Variants in IL10RB observed in about 807,000 individuals in gnomAD.
IL10RB encodes interleukin-10 receptor subunit beta.
Under a neutral mutation model 38.7 loss-of-function variants are expected in IL10RB, and 30 were observed. The observed-to-expected ratio is 0.78, with a 90% confidence interval of 0.58 to 1.05. IL10RB has a LOEUF of 1.05. Ranked by LOEUF, IL10RB falls within the 50% of genes least tolerant of loss-of-function variation. The pLI is 0.00. For missense variants in IL10RB, 328 were observed against 397.1 expected, an observed-to-expected ratio of 0.83 and a Z score of 1.48; for synonymous variants, 142 against 145.9, an observed-to-expected ratio of 0.97 and a Z score of 0.19.
chr21:33,300,825 C>T (rs1410269099), downstream of IL10RB, among the ~76,000 whole-genome samples: 2 of 152,172 alleles, frequency 1.3e-5, no homozygotes, highest in South Asian at 2.1e-4. Context: ...TGAACCAGAG[C>T]GACTCCATCT....
intron 6 of IL10RB, among the ~76,000 whole-genome samples, chr21:33,288,481 G>A (rs920336063): frequency 2.6e-5 from 4 of 152,078 alleles, no homozygotes; most frequent in Non-Finnish European, 2.9e-5. Context: ...AAAGGGGCGC[G>A]GGGTTGTCCA....
At chr21:33,274,007 A>G (rs1989127099) in intron 2 of IL10RB, among the ~76,000 whole-genome samples, 1 of 151,936 alleles carries the variant, frequency 6.6e-6, no homozygotes, top group Non-Finnish European at 1.5e-5. Context: ...CTTCTTCCAA[A>G]CCCCTGTTAA....
rs71320298 is a variant in IL10RB at position 33,275,152 on chromosome 21, C to CTTTTTTT, written c.174-1429_174-1423dup. Among the ~76,000 whole-genome samples the CTTTTTTT allele has an allele frequency of 1.8e-4, 18 of 102,278 alleles. 1 individual carries two copies. Among genetic ancestry groups the CTTTTTTT allele is most frequent in the Non-Finnish European group, 2.2e-4 (11 of 50,828 alleles). The allele number at this position is 102,278 out of a possible 152,430, so 67.1% of individuals were successfully genotyped here. A position where few individuals can be genotyped will look rare whatever the true frequency, so the allele number is the denominator to read the frequency against. On this transcript the variant is annotated intron_variant, in intron 2 of 6. Transcript: ENST00000290200. The stretch of plus-strand genomic sequence containing the variant: ...CAACCTCTGCTAACTTCCAACTTTT[C>CTTTTTTT]TTTTTTTTTTTTTTTTTTTTTGAGA...
At chr21:33,298,746 T>A (rs1030683331), downstream of IL10RB, among the ~76,000 whole-genome samples, 1 of 152,156 alleles carries the variant, frequency 6.6e-6, no homozygotes, top group African/African-American at 2.4e-5. Flanking sequence ...ATGGAAAATA[T>A]GAGTGGTTAG....
chr21:33,307,170 C>A (rs1271054191), intron 1 of IL10RB, among the ~76,000 whole-genome samples: 1 of 152,186 alleles, frequency 6.6e-6, no homozygotes, highest in Non-Finnish European at 1.5e-5. Context: ...GTGACTGCAT[C>A]TTGGATGCTA....
Position 33,290,206 on chromosome 21 carries a change from G to A in IL10RB, c.804+1945G>A, listed in dbSNP as rs564357388. The stretch of plus-strand genomic sequence containing the variant: ...CTCGGGAGACTGAGGCAGGAGAATC[G>A]CTTGAACTCGGGAGGTGGAAGTTGC... On this transcript the variant is annotated intron_variant, in intron 6 of 6. Transcript: ENST00000290200. Among the ~76,000 whole-genome samples the A allele has an allele frequency of 1.9e-3, 288 of 151,778 alleles. 1 individual carries two copies. The highest frequency in any genetic ancestry group is 3.0e-3 in the Non-Finnish European group (201 of 67,948).
intron 5 of IL10RB, among the ~76,000 whole-genome samples, chr21:33,287,778 T>A (rs1042565634): frequency 1.3e-5 from 2 of 152,162 alleles, no homozygotes; most frequent in Admixed American, 6.5e-5. Flanking sequence ...GAGTATCACT[T>A]GCTGTGTCAA....
intron 6 of IL10RB, among the ~76,000 whole-genome samples, chr21:33,291,150 C>T (rs1017576341): frequency 6.6e-6 from 1 of 152,142 alleles, no homozygotes; most frequent in African/African-American, 2.4e-5. Flanking sequence ...ACACCAGTCA[C>T]GGGAGGAGGG....
rs1008776896 is a variant in IL10RB, at chr21:33,266,648, C to A, written c.49+134C>A. The A allele has an allele frequency of 1.2e-5, 10 of 858,882 alleles. No homozygotes were observed. The African/African-American group carries it at 1.6e-4, about 13-fold the overall frequency. 53.2% of individuals were successfully genotyped at this position (858,882 alleles called of 1,614,324 possible). A position where few individuals can be genotyped will look rare whatever the true frequency, so the allele number is the denominator to read the frequency against. On this transcript the variant is annotated intron_variant, in intron 1 of 6. Coordinates refer to ENST00000290200, the MANE Select transcript of IL10RB (RefSeq NM_000628.5). ...GCCTCGGGAGAGAAGATGCAAACGC[C>A]ACGGCCGGCTGCTGAGACGCAACTA...
At chr21:33,299,520 A>C (rs748639179), downstream of IL10RB, among the ~76,000 whole-genome samples, 2 of 152,126 alleles carry the variant, frequency 1.3e-5, no homozygotes, top group Non-Finnish European at 2.9e-5. Context: ...GCCTTGTTGA[A>C]AATATCTCAC....
At chr21:33,300,211 G>A (rs1387885018), downstream of IL10RB, among the ~76,000 whole-genome samples, 2 of 152,142 alleles carry the variant, frequency 1.3e-5, no homozygotes, top group African/African-American at 2.4e-5. Context: ...AGGCCGAGGT[G>A]GGTGGATCAC....
chr21:33,278,046 C>CAAA (rs58709699), intron 3 of IL10RB, among the ~76,000 whole-genome samples: 2 of 118,910 alleles, frequency 1.7e-5, no homozygotes, highest in Non-Finnish European at 1.8e-5. Context: ...AAAAAAATAC[C>CAAA]AAAAAAAAAA....
In IL10RB at chr21:33,276,650, C is replaced by A; in HGVS notation, c.228C>A (p.Phe76Leu). Residue 76 changes from phenylalanine to leucine, a missense_variant, in exon 3 of 7, where the codon TTC becomes TTA. Phe to Leu is a conservative substitution (Grantham distance 22, BLOSUM62 0). Coordinates refer to ENST00000290200, the MANE Select transcript of IL10RB (RefSeq NM_000628.5). ...ATACTACCTTGACGGAATGTGATTT[C>A]TCAAGTCTTTCCAAGTATGGTGACC... ...CMNTTLTECD[F>L]SSLSKYGDHT... The A allele has an allele frequency of 2.5e-6, 4 of 1,613,124 alleles. No homozygotes were observed. Among genetic ancestry groups the A allele is most frequent in the Non-Finnish European group, 3.4e-6 (4 of 1,179,092 alleles).
chr21:33,306,507 T>C (rs1008639026), intron 1 of IL10RB, among the ~76,000 whole-genome samples: 1 of 152,182 alleles, frequency 6.6e-6, no homozygotes, highest in African/African-American at 2.4e-5. Flanking sequence ...TGTAAAATTC[T>C]AGTTTTTGAT....
At chr21:33,298,816 G>A (rs558640865), downstream of IL10RB, among the ~76,000 whole-genome samples, 139 of 152,292 alleles carry the variant, frequency 9.1e-4, no homozygotes, top group Middle Eastern at 6.8e-3. Flanking sequence ...GCTTGCACAG[G>A]TGAATGCGGC....
intron 1 of IL10RB, 73 bp downstream of exon 1, chr21:33,266,587 C>G: frequency 6.9e-7 from 1 of 1,442,884 alleles, no homozygotes; most frequent in Non-Finnish European, 9.4e-7. Context: ...TGATCCCATC[C>G]CTGGGCGCCC....
chr21:33,283,839 A>C (rs1344453513), intron 5 of IL10RB, among the ~76,000 whole-genome samples: 3 of 152,232 alleles, frequency 2.0e-5, no homozygotes, highest in African/African-American at 7.2e-5. Context: ...CTGCATATTT[A>C]TGTGCAGACA....
Position 33,288,029 on chromosome 21 carries a change from G to C in IL10RB, c.647-75G>C, listed in dbSNP as rs563033195. 20 of 1,377,648 alleles carry C rather than the reference G, an allele frequency of 1.5e-5. No individual in the cohort carries two copies. In the East Asian group the frequency reaches 4.3e-4, roughly 30 times the overall value. 85.3% of individuals were successfully genotyped at this position (1,377,648 alleles called of 1,614,324 possible). Reference sequence around the variant, plus strand: ...TACAGGCTCTGTTTTCAGGGATTGTGATGGTTAAAATGCTCTTGGGATCAC... The same window carrying C: ...TACAGGCTCTGTTTTCAGGGATTGTCATGGTTAAAATGCTCTTGGGATCAC... On this transcript the variant is annotated intron_variant, in intron 5 of 6. Coordinates refer to ENST00000290200, the MANE Select transcript of IL10RB (RefSeq NM_000628.5).
rs1261815627 is a variant in IL10RB at position 33,297,030 on chromosome 21, T to C, written c.*673T>C. 5.8e-6 allele frequency: 1 copy of C among 172,282 alleles called. No individual in the cohort carries two copies. The highest frequency in any genetic ancestry group is 1.2e-5 in the Non-Finnish European group (1 of 80,074). 10.7% of individuals were successfully genotyped at this position (172,282 alleles called of 1,614,324 possible). ...ATAAGAATGGAGATGTTACATCTGGTAGATGTAACATTCTACCAGATTATG... is the reference window on the plus strand; with the variant it reads ...ATAAGAATGGAGATGTTACATCTGGCAGATGTAACATTCTACCAGATTATG... On this transcript the variant is annotated 3_prime_UTR_variant, in exon 7 of 7. Coordinates refer to ENST00000290200, the MANE Select transcript of IL10RB (RefSeq NM_000628.5).
Sources: gnomAD v4.1 joint callset for allele counts (sites outside exome capture counted in the v4.1 genomes callset) on GRCh38, gnomAD v4.1.1 for gene constraint, MANE v1.5 for transcripts, NCBI Gene and HGNC (gene_info 2026-07-23, HGNC 2026-07-21) for gene names.